The following CPLX1 variants were observed in gnomAD, a reference collection of about 807,000 sequenced individuals.
CPLX1 encodes the protein complexin-1.
In CPLX1, 6 loss-of-function variants were observed where a neutral mutation model predicts 15.6. The ratio of observed to expected loss-of-function variants is 0.39; its 90% CI spans 0.21 to 0.76. CPLX1 has a LOEUF of 0.76. Among genes scored for constraint, CPLX1 ranks in the 30% least tolerant of loss-of-function variants. CPLX1 has a pLI of 0.43. For synonymous variants in CPLX1, 91 were observed against 75.2 expected (o/e 1.21, Z -1.08); for missense variants, 242 against 188.6 (o/e 1.28, Z -1.66).
rs544333258 is a variant in CPLX1, at chr4:823,835, C to T, written c.31+657G>A. Among the ~76,000 whole-genome samples, 19 of 152,378 alleles carry T rather than the reference C, an allele frequency of 1.2e-4. No homozygotes were observed. In the East Asian group the frequency reaches 2.1e-3, roughly 17 times the overall value. On this transcript the variant is annotated intron_variant, in intron 2 of 3. Coordinates refer to ENST00000304062, the MANE Select transcript of CPLX1 (RefSeq NM_006651.4). ...GACGAGGTTCCTTTCAAATAGCAGA[C>T]AGCAGGTTGGAAGGGGGCCTGGCCC...
chr4:808,339 C>G (rs1379455133), intron 2 of CPLX1, among the ~76,000 whole-genome samples: 1 of 152,164 alleles, frequency 6.6e-6, no homozygotes, highest in Non-Finnish European at 1.5e-5. Context: ...AATATTAAAA[C>G]CACGGTTACC....
intron 3 of CPLX1, chr4:787,178 GCCGCGGCCCCAGCAGGGCCACTC>G (rs1430245614): frequency 2.9e-5 from 29 of 985,262 alleles, no homozygotes; most frequent in Non-Finnish European, 3.4e-5. Context: ...CCTGGATGCG[GCCGCGGCCCCAGCAGGGCCACTC>G]CCTGGCAGGC....
intron 2 of CPLX1, chr4:804,632 C>T (rs547738967): frequency 1.0e-4 from 62 of 617,490 alleles, no homozygotes; most frequent in Middle Eastern, 8.2e-4. Context: ...ATCCGGATCG[C>T]ACCTTCAGCT....
At chr4:797,936 A>C (rs539640349) in intron 2 of CPLX1, among the ~76,000 whole-genome samples, 1 of 151,952 alleles carries the variant, frequency 6.6e-6, no homozygotes, top group Non-Finnish European at 1.5e-5. Flanking sequence ...TCTCAAAAAA[A>C]CAAAAAGACT....
intron 2 of CPLX1, among the ~76,000 whole-genome samples, chr4:799,824 T>C (rs969421408): frequency 6.6e-6 from 1 of 152,140 alleles, no homozygotes; most frequent in African/African-American, 2.4e-5. Flanking sequence ...GATTGCACCA[T>C]TGTACTTTAG....
In CPLX1 at chr4:813,559, A is replaced by G. The variant is rs114739227; in HGVS notation, c.31+10933T>C. ...CCACGTGGCAATGAGATATCAAGAA[A>G]TCATTTCCTTGGAGAAACTGAACCA... On this transcript the variant is annotated intron_variant, in intron 2 of 3. Coordinates refer to ENST00000304062, the MANE Select transcript of CPLX1 (RefSeq NM_006651.4). Among the ~76,000 whole-genome samples, 730 of 152,268 alleles carry G rather than the reference A, an allele frequency of 4.8e-3. 5 individuals carry two copies. The highest frequency in any genetic ancestry group is 0.017 in the African/African-American group (687 of 41,538).
intron 1 of CPLX1, chr4:824,811 G>A (rs756715144): frequency 1.6e-6 from 1 of 640,166 alleles, no homozygotes; most frequent in Non-Finnish European, 2.9e-6. Flanking sequence ...CAGCTCCTGG[G>A]GTGTCTGAAG....
intron 3 of CPLX1, chr4:788,668 G>T: frequency 1.2e-6 from 1 of 849,062 alleles, no homozygotes; most frequent in Non-Finnish European, 1.4e-6. Context: ...GCAGCTCCAG[G>T]CACGGAAGTG....
At chr4:796,265 C>T (rs1224542629) in intron 2 of CPLX1, among the ~76,000 whole-genome samples, 1 of 152,180 alleles carries the variant, frequency 6.6e-6, no homozygotes, top group African/African-American at 2.4e-5. Flanking sequence ...GCTCCCTAGA[C>T]GCTGACATTG....
At chr4:802,333 C>A (rs1746474969) in intron 2 of CPLX1, among the ~76,000 whole-genome samples, 1 of 152,162 alleles carries the variant, frequency 6.6e-6, no homozygotes, top group Non-Finnish European at 1.5e-5. Flanking sequence ...CATTTGGGTG[C>A]AAACTAATCT....
chr4:808,718 A>G (rs1225630309), intron 2 of CPLX1, among the ~76,000 whole-genome samples: 2 of 152,232 alleles, frequency 1.3e-5, no homozygotes, highest in Non-Finnish European at 2.9e-5. Context: ...CCACACCCAG[A>G]CAGGAAATAA....
intron 2 of CPLX1, 68 bp from the exon 3 acceptor site, chr4:792,676 A>C (rs1337774031): frequency 1.8e-5 from 27 of 1,504,130 alleles, no homozygotes; most frequent in Non-Finnish European, 2.4e-5. Flanking sequence ...TGTCTCAGCC[A>C]CACTCCCCCA....
intron 2 of CPLX1, among the ~76,000 whole-genome samples, chr4:809,764 C>T (rs984578294): frequency 6.6e-6 from 1 of 152,198 alleles, no homozygotes; most frequent in Non-Finnish European, 1.5e-5. Flanking sequence ...CCCCTCCCAC[C>T]CACCACTCCA....
rs959799318 is a variant in CPLX1 at position 786,496 on chromosome 4, C to T, written c.*5G>A. On this transcript the variant is annotated 3_prime_UTR_variant, in exon 4 of 4. Transcript: ENST00000304062. ...GGCTCCGCGGGGCCGCTGTCCCGCG[C>T]GCGGCTACTTCTTGAGCATGTCCTG... The T allele has an allele frequency of 3.2e-6, 5 of 1,559,618 alleles. No individual in the cohort carries two copies. Among genetic ancestry groups the T allele is most frequent in the African/African-American group, 2.7e-5 (2 of 73,262 alleles).
chr4:810,382 G>GTCTAGGAGCAGAA (rs1286652931), intron 2 of CPLX1, among the ~76,000 whole-genome samples: 1 of 152,178 alleles, frequency 6.6e-6, no homozygotes, highest in East Asian at 1.9e-4. Flanking sequence ...TTGGGTCAAC[G>GTCTAGGAGCAGAA]TCTAGGAGCA....
chr4:818,075 T>A (rs1246191163), intron 2 of CPLX1, among the ~76,000 whole-genome samples: 1 of 152,168 alleles, frequency 6.6e-6, no homozygotes, highest in Non-Finnish European at 1.5e-5. Flanking sequence ...GAAGGTTGGC[T>A]TTTGGCTCCT....
intron 3 of CPLX1, 24 bp from the exon 4 acceptor site, chr4:786,722 G>C: frequency 6.4e-7 from 1 of 1,566,854 alleles, no homozygotes; most frequent in Non-Finnish European, 8.7e-7. Flanking sequence ...GGGGGTCAGG[G>C]CGGGGGTCCC....
intron 2 of CPLX1, among the ~76,000 whole-genome samples, chr4:805,714 A>G (rs2152646056): frequency 6.6e-6 from 1 of 152,366 alleles, no homozygotes; most frequent in Admixed American, 6.5e-5. Context: ...GGTGTCCATC[A>G]GCAGATGAAT....
At chr4:809,844 C>T (rs555194576) in intron 2 of CPLX1, among the ~76,000 whole-genome samples, 9 of 152,006 alleles carry the variant, frequency 5.9e-5, no homozygotes, top group Admixed American at 5.9e-4. Flanking sequence ...GGGGCACACA[C>T]AATACGTGGT....
Sources: gnomAD v4.1 joint callset for allele counts (sites outside exome capture counted in the v4.1 genomes callset) on GRCh38, gnomAD v4.1.1 for gene constraint, MANE v1.5 for transcripts, NCBI Gene and HGNC (gene_info 2026-07-23, HGNC 2026-07-21) for gene names.